CTNNA2: variants seen among roughly 807,000 people sequenced by gnomAD.
CTNNA2 encodes the protein catenin alpha-2.
CTNNA2 carries 42 observed loss-of-function variants against 101.0 expected under a neutral mutation model. The ratio of observed to expected loss-of-function variants is 0.42; its 90% confidence interval spans 0.32 to 0.54. The LOEUF is 0.54. CTNNA2 is among the 20% of genes least tolerant of loss of function. The pLI is 0.14. For missense variants in CTNNA2, 871 were observed against 1,223.1 expected (o/e 0.71, Z 4.29); for synonymous variants, 450 against 456.4 (o/e 0.99, Z 0.18).
intron 3 of CTNNA2, among the ~76,000 whole-genome samples, chr2:79,337,144 A>AT (rs1677012844): frequency 6.6e-6 from 1 of 152,212 alleles, no homozygotes; most frequent in Non-Finnish European, 1.5e-5. Context: ...CTTCTTTGAA[A>AT]TTTCCCTCTC....
chr2:79,385,128 G>C (rs1426333719), intron 4 of CTNNA2, among the ~76,000 whole-genome samples: 3 of 152,098 alleles, frequency 2.0e-5, no homozygotes, highest in Admixed American at 6.5e-5. Flanking sequence ...CCATCTTCTT[G>C]AGTCAGAGTC....
chr2:79,436,864 C>T (rs10451663), intron 4 of CTNNA2, among the ~76,000 whole-genome samples: 4 of 152,132 alleles, frequency 2.6e-5, no homozygotes, highest in African/African-American at 9.6e-5. Flanking sequence ...ATCTCCTGAC[C>T]TTGTGATCCA....
intron 6 of CTNNA2, among the ~76,000 whole-genome samples, chr2:79,885,308 C>G (rs1360723297): frequency 1.3e-5 from 2 of 152,174 alleles, no homozygotes; most frequent in African/African-American, 4.8e-5. Context: ...ATTTCAAATG[C>G]CACTTTTTTA....
chr2:79,741,427 G>T (rs757575601), intron 2 of CTNNA2, among the ~76,000 whole-genome samples: 1 of 151,924 alleles, frequency 6.6e-6, no homozygotes, highest in Admixed American at 6.6e-5. Flanking sequence ...TAAATATCTC[G>T]AATGCTAATT....
At chr2:80,277,836 C>A (rs748330300) in intron 7 of CTNNA2, among the ~76,000 whole-genome samples, 7 of 152,142 alleles carry the variant, frequency 4.6e-5, no homozygotes, top group Non-Finnish European at 8.8e-5. Flanking sequence ...CTGGTAATTT[C>A]TCCTCAGAGC....
chr2:80,460,403 C>T (rs941463091), intron 9 of CTNNA2, among the ~76,000 whole-genome samples: 2 of 151,812 alleles, frequency 1.3e-5, no homozygotes, highest in African/African-American at 4.8e-5. Context: ...CACAAAGAAT[C>T]CTGAAGAAAA....
At chr2:79,392,286 T>A (rs1050603454) in intron 4 of CTNNA2, among the ~76,000 whole-genome samples, 3 of 152,188 alleles carry the variant, frequency 2.0e-5, no homozygotes, top group Non-Finnish European at 4.4e-5. Context: ...TCCCCATACC[T>A]AGAAATTCTA....
chr2:79,678,850 A>T (rs1683369095), intron 2 of CTNNA2, among the ~76,000 whole-genome samples: 1 of 152,102 alleles, frequency 6.6e-6, no homozygotes, highest in Admixed American at 6.5e-5. Flanking sequence ...TCTTGAAAAT[A>T]CTCACTTGCT....
intron 2 of CTNNA2, among the ~76,000 whole-genome samples, chr2:79,666,150 G>T (rs548054958): frequency 2.6e-5 from 4 of 152,084 alleles, no homozygotes; most frequent in Admixed American, 2.0e-4. Flanking sequence ...AGTGACTTTT[G>T]CATTTTTTAA....
At chr2:79,917,289 T>C (rs1686318984) in intron 7 of CTNNA2, among the ~76,000 whole-genome samples, 1 of 151,726 alleles carries the variant, frequency 6.6e-6, no homozygotes, top group South Asian at 2.1e-4. Context: ...AGGATGGTCT[T>C]GATCTCTTGA....
chr2:80,546,912 A>G (rs1573218534), intron 11 of CTNNA2, among the ~76,000 whole-genome samples: 1 of 152,206 alleles, frequency 6.6e-6, no homozygotes, highest in East Asian at 1.9e-4. Context: ...CAAATTGGCC[A>G]GGTGTTGATT....
intron 7 of CTNNA2, among the ~76,000 whole-genome samples, chr2:80,141,685 A>G (rs1236614429): frequency 6.6e-6 from 1 of 152,094 alleles, no homozygotes; most frequent in Non-Finnish European, 1.5e-5. Flanking sequence ...CAAGGCCCAA[A>G]GCATGGAAAT....
At chr2:80,075,948 C>G (rs1698719729) in intron 7 of CTNNA2, among the ~76,000 whole-genome samples, 1 of 151,634 alleles carries the variant, frequency 6.6e-6, no homozygotes, top group South Asian at 2.1e-4. Flanking sequence ...TGGCTGGAGA[C>G]AATGAGGAAA....
At chr2:79,814,475 A>G (rs574520428) in intron 3 of CTNNA2, among the ~76,000 whole-genome samples, 3 of 152,226 alleles carry the variant, frequency 2.0e-5, no homozygotes, top group Admixed American at 2.0e-4. Context: ...CAATGAGAAC[A>G]TACAATATTT....
At chr2:80,101,357 A>C (rs896894839) in intron 7 of CTNNA2, among the ~76,000 whole-genome samples, 1 of 152,210 alleles carries the variant, frequency 6.6e-6, no homozygotes, top group Non-Finnish European at 1.5e-5. Flanking sequence ...AACAGTTGAC[A>C]CTGTACATTA....
At chr2:80,163,918 A>G (rs1704496746) in intron 7 of CTNNA2, among the ~76,000 whole-genome samples, 1 of 151,742 alleles carries the variant, frequency 6.6e-6, no homozygotes, top group Non-Finnish European at 1.5e-5. Flanking sequence ...ATATTAATAT[A>G]GCCAATTCTG....
intron 6 of CTNNA2, among the ~76,000 whole-genome samples, chr2:79,880,032 A>G (rs1245020727): frequency 6.6e-6 from 1 of 152,008 alleles, no homozygotes; most frequent in Admixed American, 6.6e-5. Context: ...ATGTGAAGCG[A>G]TGTTGAATTT....
intron 4 of CTNNA2, among the ~76,000 whole-genome samples, chr2:79,416,522 T>C (rs550205523): frequency 2.0e-5 from 3 of 152,204 alleles, no homozygotes; most frequent in Non-Finnish European, 4.4e-5. Context: ...TAATAAAGCA[T>C]TGGGCAAAAC....
rs567732096 is a variant in CTNNA2, at chr2:79,463,020, G to A, written c.-134-42034G>A. Reference sequence around the variant, plus strand: ...CTCGCTAGACTATCAATGCTTACCAGCCCTTGCTGGGTAGATAACTTCTCT... The same window carrying A: ...CTCGCTAGACTATCAATGCTTACCAACCCTTGCTGGGTAGATAACTTCTCT... On this transcript the variant is annotated intron_variant, in intron 4 of 21. Transcript: ENST00000466387. 3.3e-4 allele frequency among the ~76,000 whole-genome samples: 50 copies of A among 152,298 alleles called. 1 individual carries two copies. Among genetic ancestry groups the A allele is most frequent in the African/African-American group, 1.2e-3 (50 of 41,562 alleles).
Sources: allele counts gnomAD v4.1 joint callset (sites outside exome capture counted in the v4.1 genomes callset), GRCh38; gene constraint gnomAD v4.1.1; transcripts MANE v1.5; gene names NCBI Gene and HGNC (gene_info 2026-07-23, HGNC 2026-07-21).